The following ALG1 variants were observed in gnomAD, a reference collection of about 807,000 sequenced individuals.
ALG1 encodes chitobiosyldiphosphodolichol beta-mannosyltransferase.
Under a neutral mutation model 55.1 loss-of-function variants are expected in ALG1, and 58 were observed. The observed-to-expected ratio is 1.05, with a 90% CI of 0.85 to 1.31. The LOEUF (loss-of-function observed/expected upper bound fraction) is 1.31. Among genes scored for constraint, ALG1 ranks in the 50% most tolerant of loss-of-function variants. ALG1 has a pLI of 0.00. For synonymous variants in ALG1, 309 were observed against 247.0 expected, an observed-to-expected ratio of 1.25 and a Z score of -2.35; for missense variants, 761 against 598.6, an observed-to-expected ratio of 1.27 and a Z score of -2.83.
rs1957013168 is a variant in ALG1, at chr16:5,081,186, G to T, written c.1072+130G>T. The T allele has an allele frequency of 2.6e-6, 3 of 1,166,182 alleles. No individual in the cohort carries two copies. In the African/African-American group the frequency reaches 4.6e-5, roughly 18 times the overall value. 72.2% of individuals were successfully genotyped at this position (1,166,182 alleles called of 1,614,324 possible). A position where few individuals can be genotyped will look rare whatever the true frequency, so the allele number is the denominator to read the frequency against. Reference sequence around the variant, plus strand: ...TGGGCTCTGGCTGAACTCCCAGGAGGAGGCTACTTCCTGGTGTGCCAGCCC... The same window carrying T: ...TGGGCTCTGGCTGAACTCCCAGGAGTAGGCTACTTCCTGGTGTGCCAGCCC... On this transcript the variant is annotated intron_variant, in intron 10 of 12. Transcript: ENST00000262374.
At chr16:5,074,126 A>G (rs1956867611) in intron 3 of ALG1, among the ~76,000 whole-genome samples, 1 of 151,878 alleles carries the variant, frequency 6.6e-6, no homozygotes, top group Admixed American at 6.6e-5. Context: ...TTTAATATAT[A>G]GAAGCACCTT....
chr16:5,075,079 T>G (rs1009185726), intron 3 of ALG1, among the ~76,000 whole-genome samples: 1 of 152,132 alleles, frequency 6.6e-6, no homozygotes, highest in African/African-American at 2.4e-5. Context: ...AATTTTTAAA[T>G]TTTTTGTAGA....
intron 9 of ALG1, among the ~76,000 whole-genome samples, chr16:5,080,209 A>T (rs936160537): frequency 2.0e-5 from 3 of 151,608 alleles, no homozygotes; most frequent in Non-Finnish European, 4.4e-5. Flanking sequence ...CTGGGACTAC[A>T]GGTGCCCACC....
rs886598702 is a variant in ALG1 at position 5,086,057 on chromosome 16, CG to C, written c.*1179del. 6.6e-6 allele frequency among the ~76,000 whole-genome samples: 1 copy of C among 152,186 alleles called. No individual in the cohort carries two copies. Among genetic ancestry groups the C allele is most frequent in the African/African-American group, 2.4e-5 (1 of 41,460 alleles). On this transcript the variant is annotated 3_prime_UTR_variant, in exon 13 of 13. Coordinates refer to ENST00000262374, the MANE Select transcript of ALG1 (RefSeq NM_019109.5). ...CTCTTCACAAAGCTTAGAAAGCGGC[CG>C]GGCACAGTGGCTCATGCCTGTAATC...
At position 5,084,684 on chromosome 16, in the gene ALG1, A is replaced by G. The variant is rs1345060335; in HGVS notation, c.1264-66A>G. 3.1e-6 allele frequency: 5 copies of G among 1,595,286 alleles called. No individual in the cohort carries two copies. In the African/African-American group the frequency reaches 6.7e-5, roughly 21 times the overall value. ...TTGGGTCGGGGACCTGGGGTCAGCC[A>G]GGTGGTGACCTGGGATGGGGTGGGG... On this transcript the variant is annotated intron_variant, in intron 12 of 12. Transcript: ENST00000262374.
intron 10 of ALG1, among the ~76,000 whole-genome samples, chr16:5,081,298 C>T (rs1335571924): frequency 6.6e-6 from 1 of 152,182 alleles, no homozygotes; most frequent in Non-Finnish European, 1.5e-5. Flanking sequence ...CCATTCAGTC[C>T]TCTTCCTTCC....
At chr16:5,083,555 A>G in intron 11 of ALG1, 127 bp from the exon 12 acceptor site, 1 of 1,548,998 alleles carries the variant, frequency 6.5e-7, no homozygotes, top group South Asian at 1.1e-5. Flanking sequence ...GCTCCCGGAA[A>G]CCACACCCCC....
intron 6 of ALG1, 55 bp downstream of exon 6, chr16:5,078,072 T>C: frequency 6.3e-7 from 1 of 1,576,964 alleles, no homozygotes; most frequent in Non-Finnish European, 8.6e-7. Context: ...CCCTGGCCTC[T>C]CCCCTTCTCA....
chr16:5,081,170 G>T (rs560510609), intron 10 of ALG1, 114 bp downstream of exon 10: 14 of 1,253,590 alleles, frequency 1.1e-5, no homozygotes, highest in Non-Finnish European at 1.5e-5. Context: ...CTGGGCTCTG[G>T]CTGAACTCCC....
rs1455959430 is a variant in ALG1, at chr16:5,085,023, G to T, written c.*142G>T. 5 of 1,477,410 alleles carry T rather than the reference G, an allele frequency of 3.4e-6. No homozygotes were observed. Among genetic ancestry groups the T allele is most frequent in the Admixed American group, 1.8e-5 (1 of 54,966 alleles). The allele number at this position is 1,477,410 out of a possible 1,614,324, so 91.5% of individuals were successfully genotyped here. The stretch of plus-strand genomic sequence containing the variant: ...ACAGCAGTGGTACTGCCTGGTAAAA[G>T]AATTGGTTCTGTGACCCGGGAAGCT... On this transcript the variant is annotated 3_prime_UTR_variant, in exon 13 of 13. Transcript: ENST00000262374.
rs1234821941 is a variant in ALG1 at position 5,077,430 on chromosome 16, G to C, written c.540-15G>C. The C allele has an allele frequency of 4.3e-6, 7 of 1,612,176 alleles. No individual in the cohort carries two copies. Among genetic ancestry groups the C allele is most frequent in the Non-Finnish European group, 5.9e-6 (7 of 1,178,260 alleles). The stretch of plus-strand genomic sequence containing the variant: ...CCTGTCTAGGGCTCTGCTGACTGCT[G>C]ATCTCTCTTTTCAGGTACGAGAAGT... On this transcript the variant is annotated splice_polypyrimidine_tract_variant and intron_variant, in intron 4 of 12. Coordinates refer to ENST00000262374, the MANE Select transcript of ALG1 (RefSeq NM_019109.5).
At chr16:5,083,923 C>T (rs911103268) in intron 12 of ALG1, among the ~76,000 whole-genome samples, 166 bp downstream of exon 12, 6 of 152,104 alleles carry the variant, frequency 3.9e-5, no homozygotes, top group East Asian at 1.9e-4. Flanking sequence ...TCTGCTGTCC[C>T]GTTTCGGTAC....
chr16:5,076,161 C>G (rs1956909392), intron 4 of ALG1, among the ~76,000 whole-genome samples: 1 of 152,182 alleles, frequency 6.6e-6, no homozygotes, highest in Non-Finnish European at 1.5e-5. Context: ...TCCTCTGAGC[C>G]CAACTATAAC....
intron 11 of ALG1, 101 bp downstream of exon 11, chr16:5,082,774 C>G (rs890104304): frequency 3.6e-6 from 5 of 1,385,368 alleles, no homozygotes; most frequent in Middle Eastern, 2.5e-4. Flanking sequence ...CCCTGCCCCT[C>G]GGTCAGTCCG....
Position 5,080,971 on chromosome 16 carries a change from T to C in ALG1, c.987T>C (p.Tyr329=), listed in dbSNP as rs2879840. ...ITGKGPLREY[Y]SRLIHQKHFQ... ...GCAAAGGGCCTCTGAGGGAGTATTATAGCCGCCTCATCCACCAGAAGCACT... is the reference window on the plus strand; with the variant it reads ...GCAAAGGGCCTCTGAGGGAGTATTACAGCCGCCTCATCCACCAGAAGCACT... The change falls in exon 10 of 13, where the codon TAT becomes TAC. Residue 329 remains tyrosine, a synonymous_variant. Transcript: ENST00000262374. 1.3e-6 allele frequency: 2 copies of C among 1,596,226 alleles called. No individual in the cohort carries two copies. The highest frequency in any genetic ancestry group is 8.5e-7 in the Non-Finnish European group (1 of 1,179,722).
At position 5,078,896 on chromosome 16, in the gene ALG1, G is replaced by A. The variant is rs760807648; in HGVS notation, c.862+18G>A. 2 of 1,610,798 alleles carry A rather than the reference G, an allele frequency of 1.2e-6. No homozygotes were observed. The highest frequency in any genetic ancestry group is 1.1e-5 in the South Asian group (1 of 90,952). Reference sequence around the variant, plus strand: ...CTGGACAGGTCTGCAGGACCCCTGGGGCACTTGGGGTTGGTGTGACGGGCA... The same window carrying A: ...CTGGACAGGTCTGCAGGACCCCTGGAGCACTTGGGGTTGGTGTGACGGGCA... On this transcript the variant is annotated intron_variant, in intron 7 of 12. Coordinates refer to ENST00000262374, the MANE Select transcript of ALG1 (RefSeq NM_019109.5).
At position 5,084,766 on chromosome 16, in the gene ALG1, T is replaced by G. The variant is rs1957090242; in HGVS notation, c.1280T>G (p.Phe427Cys). ...TTTTTGCAGATGCTTTTCTCAAACTTTCCTGATCCTGCGGGCAAGCTAAAC... is the reference window on the plus strand; with the variant it reads ...TTTTTGCAGATGCTTTTCTCAAACTGTCCTGATCCTGCGGGCAAGCTAAAC... ...AAQLQMLFSN[F>C]PDPAGKLNQF... The change falls in exon 13 of 13, where the codon TTT becomes TGT. Residue 427 changes from phenylalanine (F) to cysteine (C), a missense_variant. By Grantham distance (205) the Phe-to-Cys change is radical. Transcript: ENST00000262374. 1 of 1,596,444 alleles carries G rather than the reference T, an allele frequency of 6.3e-7. No homozygotes were observed. The highest frequency in any genetic ancestry group is 8.5e-7 in the Non-Finnish European group (1 of 1,179,774).
Position 5,081,039 on chromosome 16 carries a change from A to T in ALG1, c.1055A>T (p.Asp352Val), listed in dbSNP as rs765238558. 7.5e-6 allele frequency: 12 copies of T among 1,595,434 alleles called. No homozygotes were observed. The highest frequency in any genetic ancestry group is 8.5e-6 in the Non-Finnish European group (10 of 1,179,552). The stretch of plus-strand genomic sequence containing the variant: ...TGCACCCCCTGGCTGGAGGCCGAGG[A>T]CTACCCCCTGCTTCTAGGTGAGAGG... Reference protein sequence around the residue: ...QVCTPWLEAEDYPLLLGSADL... With the variant: ...QVCTPWLEAEVYPLLLGSADL... The change falls in exon 10 of 13, where the codon GAC (aspartate) becomes GTC (valine). Residue 352 changes from aspartate to valine, a missense_variant. Physicochemically the swap from Asp to Val is radical, Grantham distance 152 (BLOSUM62 -3). Coordinates refer to ENST00000262374, the MANE Select transcript of ALG1 (RefSeq NM_019109.5).
Position 5,086,115 on chromosome 16 carries a change from C to T in ALG1, c.*1234C>T, listed in dbSNP as rs1957155001. ...CTTTGGGAGGCCAAGGCGGGCGGAT[C>T]ACTTGAGGTCAGGAGTTCGAGACCA... On this transcript the variant is annotated 3_prime_UTR_variant, in exon 13 of 13. Transcript: ENST00000262374. 6.6e-6 allele frequency among the ~76,000 whole-genome samples: 1 copy of T among 152,172 alleles called. No individual in the cohort carries two copies. Among genetic ancestry groups the T allele is most frequent in the African/African-American group, 2.4e-5 (1 of 41,446 alleles).
Sources: gnomAD v4.1 joint callset for allele counts (sites outside exome capture counted in the v4.1 genomes callset) on GRCh38, gnomAD v4.1.1 for gene constraint, MANE v1.5 for transcripts, NCBI Gene and HGNC (gene_info 2026-07-23, HGNC 2026-07-21) for gene names.